ADAM18: variants seen among roughly 807,000 people sequenced by gnomAD.
The protein encoded by ADAM18 is ADAM metallopeptidase domain 18.
A neutral mutation model predicts 94.4 loss-of-function variants in ADAM18; 117 were observed. That is an observed-to-expected ratio of 1.24 (90% CI 1.07 to 1.45). The LOEUF (loss-of-function observed/expected upper bound fraction) is 1.45. Ranked by LOEUF, ADAM18 falls within the 40% of genes most tolerant of loss-of-function variation. ADAM18 has a pLI of 0.00. For synonymous variants in ADAM18, 327 were observed against 291.6 expected (o/e 1.12, Z -1.24); for missense variants, 936 against 880.0 (o/e 1.06, Z -0.81).
chr8:39,647,300 T>G (rs1017539515), intron 11 of ADAM18, among the ~76,000 whole-genome samples: 1 of 151,378 alleles, frequency 6.6e-6, no homozygotes, highest in Non-Finnish European at 1.5e-5. Flanking sequence ...AGAGGTACTA[T>G]GCCTGGATGT....
chr8:39,647,930 T>G (rs1243479400), intron 11 of ADAM18, among the ~76,000 whole-genome samples: 1 of 152,186 alleles, frequency 6.6e-6, no homozygotes, highest in Non-Finnish European at 1.5e-5. Context: ...AAAATGGAAT[T>G]TCTTATGTCT....
intron 7 of ADAM18, among the ~76,000 whole-genome samples, chr8:39,633,793 G>A (rs1032918687): frequency 2.1e-5 from 3 of 141,924 alleles, no homozygotes; most frequent in Non-Finnish European, 4.5e-5. Context: ...AATGGAAGAA[G>A]AATGTAAAGA....
intron 18 of ADAM18, among the ~76,000 whole-genome samples, chr8:39,720,186 A>G (rs1822708337): frequency 6.6e-6 from 1 of 151,534 alleles, no homozygotes; most frequent in African/African-American, 2.4e-5. Context: ...TTTATGCTAA[A>G]TGAAACATGT....
At chr8:39,685,407 T>C (rs1309194856) in intron 16 of ADAM18, 2 of 152,296 alleles carry the variant, frequency 1.3e-5, no homozygotes, top group African/African-American at 4.8e-5. Flanking sequence ...TGAGGCATCA[T>C]GAGCAGTAAG....
chr8:39,645,649 A>G (rs1379105403), intron 11 of ADAM18, among the ~76,000 whole-genome samples, 175 bp downstream of exon 11: 1 of 152,150 alleles, frequency 6.6e-6, no homozygotes, highest in Non-Finnish European at 1.5e-5. Context: ...CTATAGATTG[A>G]TCTATATCTT....
chr8:39,711,376 GGA>G (rs1822392792), intron 18 of ADAM18, among the ~76,000 whole-genome samples: 1 of 152,048 alleles, frequency 6.6e-6, no homozygotes. Flanking sequence ...AAAAGGAAAA[GGA>G]AAGCATGACC....
At chr8:39,632,711 A>T (rs544613063) in intron 7 of ADAM18, among the ~76,000 whole-genome samples, 2 of 151,410 alleles carry the variant, frequency 1.3e-5, no homozygotes, top group African/African-American at 4.9e-5. Context: ...CTCTTCGAGA[A>T]TTTAGATATT....
chr8:39,676,110 C>T (rs2350466), intron 14 of ADAM18, among the ~76,000 whole-genome samples: 94,452 of 152,076 alleles, frequency 0.62, 31,757 homozygotes, highest in Non-Finnish European at 0.76. Flanking sequence ...ATCAGGGATC[C>T]ACTTGAGGAG....
chr8:39,639,756 A>T (rs1352850370), intron 10 of ADAM18, among the ~76,000 whole-genome samples: 1 of 151,994 alleles, frequency 6.6e-6, no homozygotes, highest in Non-Finnish European at 1.5e-5. Context: ...AAAATCATAC[A>T]TTGTTTCTAG....
intron 13 of ADAM18, among the ~76,000 whole-genome samples, chr8:39,666,374 T>C (rs1355088779): frequency 6.6e-6 from 1 of 152,132 alleles, no homozygotes. Context: ...AGTCTTTGTG[T>C]CTCATCCTTT....
At position 39,663,906 on chromosome 8, in the gene ADAM18, T is replaced by G. The variant is rs374357332; in HGVS notation, c.1326+16T>G. The G allele has an allele frequency of 2.6e-6, 4 of 1,550,616 alleles. No individual in the cohort carries two copies. The highest frequency in any genetic ancestry group is 1.8e-6 in the Non-Finnish European group (2 of 1,131,878). On this transcript the variant is annotated intron_variant, in intron 13 of 19. Coordinates refer to ENST00000265707, the MANE Select transcript of ADAM18 (RefSeq NM_014237.3). ...AAAGTGTGAGGTAAGTTACTAACAT[T>G]CATTAAAAGCAAATTGAACTGTGGT...
intron 18 of ADAM18, among the ~76,000 whole-genome samples, chr8:39,714,548 T>C (rs1317940142): frequency 1.3e-5 from 2 of 152,020 alleles, no homozygotes; most frequent in East Asian, 3.9e-4. Context: ...AAGACACAGG[T>C]AAATTAAAAG....
In ADAM18 at chr8:39,645,322, A is replaced by G. The variant is rs748045030; in HGVS notation, c.910-16A>G. On this transcript the variant is annotated splice_polypyrimidine_tract_variant and intron_variant, in intron 10 of 19. Coordinates refer to ENST00000265707, the MANE Select transcript of ADAM18 (RefSeq NM_014237.3). Reference sequence around the variant, plus strand: ...TTCACACATAATAATTTTCTTTTTCATGTCTTTTATTTTAGTATCCAGATG... The same window carrying G: ...TTCACACATAATAATTTTCTTTTTCGTGTCTTTTATTTTAGTATCCAGATG... 2.5e-6 allele frequency: 4 copies of G among 1,580,742 alleles called. No individual in the cohort carries two copies. Among genetic ancestry groups the G allele is most frequent in the Admixed American group, 1.9e-5 (1 of 52,806 alleles).
At chr8:39,723,119 T>C (rs1253004091) in intron 18 of ADAM18, among the ~76,000 whole-genome samples, 1 of 151,420 alleles carries the variant, frequency 6.6e-6, no homozygotes, top group Non-Finnish European at 1.5e-5. Context: ...TGCTAATATA[T>C]TTACATATTG....
intron 16 of ADAM18, among the ~76,000 whole-genome samples, chr8:39,691,513 G>A (rs1821779947): frequency 6.6e-6 from 1 of 151,978 alleles, no homozygotes; most frequent in South Asian, 2.1e-4. Flanking sequence ...TGAAGAGATA[G>A]TTGTGGCAAT....
intron 13 of ADAM18, among the ~76,000 whole-genome samples, chr8:39,666,668 G>C (rs1820999276): frequency 6.6e-6 from 1 of 152,158 alleles, no homozygotes; most frequent in Admixed American, 6.5e-5. Context: ...CAAGAGAAGA[G>C]AGCTTGTGCA....
chr8:39,615,966 C>A (rs558730687), intron 6 of ADAM18, among the ~76,000 whole-genome samples: 1 of 151,380 alleles, frequency 6.6e-6, no homozygotes, highest in Admixed American at 6.6e-5. Context: ...ACATTAGCCA[C>A]AAAAAAAATA....
At chr8:39,686,415 C>T (rs987669649) in intron 16 of ADAM18, among the ~76,000 whole-genome samples, 3 of 152,164 alleles carry the variant, frequency 2.0e-5, no homozygotes, top group East Asian at 1.9e-4. Flanking sequence ...GGTACCTTAC[C>T]GTGTCCTCGC....
At chr8:39,589,072 G>A (rs963423037) in intron 2 of ADAM18, among the ~76,000 whole-genome samples, 13 of 152,084 alleles carry the variant, frequency 8.5e-5, no homozygotes, top group Admixed American at 3.3e-4. Flanking sequence ...GCTTGGGAGG[G>A]CTTACATTTA....
Sources: allele counts gnomAD v4.1 joint callset (sites outside exome capture counted in the v4.1 genomes callset), GRCh38; gene constraint gnomAD v4.1.1; transcripts MANE v1.5; gene names NCBI Gene and HGNC (gene_info 2026-07-23, HGNC 2026-07-21).